Variants in TP63 observed in about 807,000 individuals in gnomAD.
The protein encoded by TP63 is tumor protein 63.
In TP63, 17 loss-of-function variants were observed where a neutral mutation model predicts 82.8. The ratio of observed to expected loss-of-function variants is 0.21; its 90% CI spans 0.14 to 0.31. The LOEUF is 0.31. Ranked by LOEUF, TP63 falls within the 10% of genes least tolerant of loss-of-function variation. The pLI is 1.00. For missense variants in TP63, 648 were observed against 895.3 expected (o/e 0.72, Z 3.52); for synonymous variants, 330 against 321.7 (o/e 1.03, Z -0.28).
chr3:189,732,646 A>G (rs1467247314), intron 1 of TP63, among the ~76,000 whole-genome samples: 1 of 152,200 alleles, frequency 6.6e-6, no homozygotes, highest in Admixed American at 6.5e-5. Flanking sequence ...AGCATAGTTG[A>G]AGAAACTAAG....
At chr3:189,599,195 T>C in the TP63 span, among the ~76,000 whole-genome samples, 763 of 152,332 alleles carry the variant, frequency 5.0e-3, 10 homozygotes, top group African/African-American at 0.018. Context: ...TACCTCATTG[T>C]TCTGTTTCTG....
intron 1 of TP63, among the ~76,000 whole-genome samples, chr3:189,683,793 C>A (rs1716180160): frequency 6.6e-6 from 1 of 152,196 alleles, no homozygotes; most frequent in African/African-American, 2.4e-5. Context: ...CTCACTACTT[C>A]AGAATTTATA....
chr3:189,746,738 A>G (rs564588778), intron 3 of TP63, among the ~76,000 whole-genome samples: 1 of 151,442 alleles, frequency 6.6e-6, no homozygotes, highest in East Asian at 1.9e-4. Context: ...TCCACTCAAA[A>G]GACATAGACT....
At chr3:189,886,971 G>C (rs1720509776) in intron 11 of TP63, among the ~76,000 whole-genome samples, 1 of 152,132 alleles carries the variant, frequency 6.6e-6, no homozygotes, top group African/African-American at 2.4e-5. Flanking sequence ...CACTTTGGGA[G>C]GCCGAGGCGG....
At chr3:189,871,962 C>T (rs950074013) in intron 9 of TP63, among the ~76,000 whole-genome samples, 5 of 152,070 alleles carry the variant, frequency 3.3e-5, no homozygotes, top group Non-Finnish European at 5.9e-5. Flanking sequence ...CAATCTGTTC[C>T]CTCCCAAATT....
intron 1 of TP63, among the ~76,000 whole-genome samples, chr3:189,718,750 A>G (rs1719150397): frequency 6.6e-6 from 1 of 152,076 alleles, no homozygotes; most frequent in Admixed American, 6.6e-5. Context: ...AATATAAGTG[A>G]TTCAGTTTTC....
intron 3 of TP63, among the ~76,000 whole-genome samples, chr3:189,779,735 C>T (rs531052618): frequency 5.3e-5 from 8 of 152,206 alleles, no homozygotes; most frequent in Non-Finnish European, 8.8e-5. Context: ...TTGAGTATGA[C>T]GTTTAACCCC....
chr3:189,700,986 A>G (rs1218553806), intron 1 of TP63, among the ~76,000 whole-genome samples: 1 of 152,206 alleles, frequency 6.6e-6, no homozygotes, highest in Non-Finnish European at 1.5e-5. Context: ...AAGCGCTACC[A>G]AGGCCCATCC....
intron 1 of TP63, among the ~76,000 whole-genome samples, chr3:189,683,040 C>T (rs1034334755): frequency 2.6e-5 from 4 of 152,142 alleles, no homozygotes; most frequent in Non-Finnish European, 4.4e-5. Flanking sequence ...TTCCATTATA[C>T]AGATGAGGAA....
chr3:189,695,160 A>C (rs1439310678), intron 1 of TP63, among the ~76,000 whole-genome samples: 2 of 151,676 alleles, frequency 1.3e-5, no homozygotes, highest in African/African-American at 2.4e-5. Context: ...CTTTTTTCTC[A>C]CTTTTGTTAA....
In TP63 at chr3:189,646,023, C is replaced by T. The variant is rs565913873; in HGVS notation, c.62+14446C>T. Among the ~76,000 whole-genome samples the T allele has an allele frequency of 7.5e-5, 11 of 147,136 alleles. 1 individual carries two copies. The South Asian group carries it at 1.8e-3, about 24-fold the overall frequency. ...CTTTGGGTAAGAATCTGTATTTTAA[C>T]AAGAACTCAAGGTGATTTGTGAACA... On this transcript the variant is annotated intron_variant, in intron 1 of 13. Coordinates refer to ENST00000264731, the MANE Select transcript of TP63 (RefSeq NM_003722.5).
intron 1 of TP63, among the ~76,000 whole-genome samples, chr3:189,690,214 A>G (rs536230902): frequency 2.6e-4 from 39 of 152,202 alleles, no homozygotes; most frequent in Non-Finnish European, 5.0e-4. Context: ...GGGAAAAATC[A>G]TCTACAAATG....
At chr3:189,798,782 A>C (rs1414386814) in intron 3 of TP63, among the ~76,000 whole-genome samples, 1 of 152,110 alleles carries the variant, frequency 6.6e-6, no homozygotes, top group Non-Finnish European at 1.5e-5. Context: ...CATATCTTTT[A>C]TAATAGGACA....
At chr3:189,863,732 C>T (rs959056598) in intron 4 of TP63, among the ~76,000 whole-genome samples, 1 of 117,552 alleles carries the variant, frequency 8.5e-6, no homozygotes, top group Non-Finnish European at 1.8e-5. Flanking sequence ...CACTCTCTAA[C>T]AGATATTCCA....
At chr3:189,777,201 T>G (rs1212099126) in intron 3 of TP63, among the ~76,000 whole-genome samples, 1 of 152,108 alleles carries the variant, frequency 6.6e-6, no homozygotes, top group Non-Finnish European at 1.5e-5. Context: ...TTATGTTTAT[T>G]TTTATTTTAT....
At position 189,669,300 on chromosome 3, in the gene TP63, G is replaced by T. The variant is rs374197081; in HGVS notation, c.62+37723G>T. On this transcript the variant is annotated intron_variant, in intron 1 of 13. Coordinates refer to ENST00000264731, the MANE Select transcript of TP63 (RefSeq NM_003722.5). ...TAGTTTTGAAAAACAATAGCAGAATGAAGACATTTATGGTAAACAAACTGA... is the reference window on the plus strand; with the variant it reads ...TAGTTTTGAAAAACAATAGCAGAATTAAGACATTTATGGTAAACAAACTGA... Among the ~76,000 whole-genome samples the T allele has an allele frequency of 4.4e-4, 67 of 151,330 alleles. No homozygotes were observed. The East Asian group carries it at 0.011, about 25-fold the overall frequency.
intron 3 of TP63, among the ~76,000 whole-genome samples, chr3:189,781,493 C>A (rs970755361): frequency 1.3e-5 from 2 of 152,158 alleles, no homozygotes; most frequent in African/African-American, 4.8e-5. Context: ...CAATTAAAAC[C>A]AGAGACGGAC....
At chr3:189,775,906 T>A (rs1723758860) in intron 3 of TP63, among the ~76,000 whole-genome samples, 1 of 152,206 alleles carries the variant, frequency 6.6e-6, no homozygotes. Context: ...TACTTAGTTC[T>A]CATAGTTAAA....
At chr3:189,892,034 G>T (rs1721076048) in intron 13 of TP63, among the ~76,000 whole-genome samples, 1 of 152,090 alleles carries the variant, frequency 6.6e-6, no homozygotes, top group South Asian at 2.1e-4. Flanking sequence ...CCTGGCTGCT[G>T]CTCCCTGATA....
Sources: gnomAD v4.1 joint callset for allele counts (sites outside exome capture counted in the v4.1 genomes callset) on GRCh38, gnomAD v4.1.1 for gene constraint, MANE v1.5 for transcripts, NCBI Gene and HGNC (gene_info 2026-07-23, HGNC 2026-07-21) for gene names.